GAS2: variants seen among roughly 807,000 people sequenced by gnomAD.
The protein encoded by GAS2 is growth arrest-specific protein 2.
Under a neutral mutation model 37.5 loss-of-function variants are expected in GAS2, and 20 were observed. The observed-to-expected ratio is 0.53, with a 90% CI of 0.37 to 0.77. The LOEUF (loss-of-function observed/expected upper bound fraction) is 0.77. GAS2 is among the 30% of genes least tolerant of loss of function. The probability of loss-of-function intolerance (pLI) is 0.00; values close to 1 mark genes in which losing one functional copy is unlikely to be tolerated. For synonymous variants in GAS2, 144 were observed against 132.2 expected (o/e 1.09, Z -0.61); for missense variants, 336 against 373.4 (o/e 0.90, Z 0.82).
chr11:22,653,072 TTC>T (rs745482440), intron 1 of GAS2, among the ~76,000 whole-genome samples: 6 of 119,510 alleles, frequency 5.0e-5, no homozygotes, highest in Non-Finnish European at 7.4e-5. Flanking sequence ...CTTTTTTGCT[TTC>T]TCTCTCTCTC....
At chr11:22,631,692 C>G (rs1483764644) in intron 1 of GAS2, among the ~76,000 whole-genome samples, 2 of 151,896 alleles carry the variant, frequency 1.3e-5, no homozygotes, top group East Asian at 1.9e-4. Flanking sequence ...GATGAATTAT[C>G]TTTTTGATGT....
At chr11:22,677,709 G>T (rs1317689115) in intron 2 of GAS2, among the ~76,000 whole-genome samples, 3 of 152,112 alleles carry the variant, frequency 2.0e-5, no homozygotes, top group African/African-American at 7.2e-5. Flanking sequence ...AGGAGACCTG[G>T]CTCCTAACTG....
chr11:22,708,864 T>C (rs185172835), intron 3 of GAS2, among the ~76,000 whole-genome samples: 10 of 152,156 alleles, frequency 6.6e-5, no homozygotes, highest in Admixed American at 1.3e-4. Flanking sequence ...AACTGAAGTG[T>C]AAGGGGTGGG....
intron 3 of GAS2, among the ~76,000 whole-genome samples, chr11:22,697,650 G>C (rs1323999329): frequency 6.6e-6 from 1 of 152,062 alleles, no homozygotes; most frequent in Non-Finnish European, 1.5e-5. Flanking sequence ...TCCTTGAAGA[G>C]GTCCTTCACG....
In GAS2 at chr11:22,794,711, T is replaced by C. The variant is rs564826459; in HGVS notation, c.724-17087T>C. 2.0e-4 allele frequency among the ~76,000 whole-genome samples: 31 copies of C among 152,348 alleles called. No individual in the cohort carries two copies. The East Asian group carries it at 5.6e-3, about 27-fold the overall frequency. On this transcript the variant is annotated intron_variant, in intron 7 of 7. Coordinates refer to ENST00000454584, the MANE Select transcript of GAS2 (RefSeq NM_001143830.3). ...TCTGGAAGTCAGTAATGCTTCATTG[T>C]GTTGTCCTAAGTATGATGAAAAGGC...
chr11:22,688,329 A>G (rs1323018520), intron 3 of GAS2: 8 of 152,166 alleles, frequency 5.3e-5, no homozygotes, highest in Non-Finnish European at 1.2e-4. Flanking sequence ...TCGATTAACT[A>G]TAAGAAAATA....
At chr11:22,789,303 T>TACAC (rs201918939) in intron 7 of GAS2, among the ~76,000 whole-genome samples, 15 of 111,118 alleles carry the variant, frequency 1.3e-4, no homozygotes, top group Admixed American at 6.9e-4. Flanking sequence ...TATATATATA[T>TACAC]ACACACACAC....
chr11:22,756,520 A>G (rs1208595518), intron 7 of GAS2, among the ~76,000 whole-genome samples: 1 of 152,120 alleles, frequency 6.6e-6, no homozygotes, highest in Admixed American at 6.6e-5. Flanking sequence ...TAGTACCAGC[A>G]ATGTGTAGTC....
At chr11:22,754,347 A>T (rs1853903681) in intron 6 of GAS2, among the ~76,000 whole-genome samples, 1 of 152,124 alleles carries the variant, frequency 6.6e-6, no homozygotes, top group African/African-American at 2.4e-5. Flanking sequence ...AAAGGAACTC[A>T]GTCTAGCAAG....
chr11:22,749,025 T>C (rs1853572041), intron 5 of GAS2, 95 bp from the exon 6 acceptor site: 2 of 1,188,212 alleles, frequency 1.7e-6, no homozygotes, highest in African/African-American at 3.1e-5. Context: ...TAAAAGTCAG[T>C]GATTTACTCC....
At chr11:22,658,725 G>A (rs1273941157) in intron 1 of GAS2, among the ~76,000 whole-genome samples, 4 of 151,990 alleles carry the variant, frequency 2.6e-5, no homozygotes, top group Admixed American at 6.6e-5. Flanking sequence ...TTAGAACATG[G>A]GCATACTGAG....
intron 1 of GAS2, among the ~76,000 whole-genome samples, chr11:22,639,350 A>G (rs796481912): frequency 1.4e-4 from 22 of 152,244 alleles, no homozygotes; most frequent in African/African-American, 5.3e-4. Flanking sequence ...GTCTTTCACC[A>G]TGTGTTGCCT....
At chr11:22,738,472 T>C (rs888255715) in intron 5 of GAS2, among the ~76,000 whole-genome samples, 7 of 152,160 alleles carry the variant, frequency 4.6e-5, no homozygotes, top group Non-Finnish European at 1.0e-4. Flanking sequence ...GGCCAGCCCA[T>C]GAAGCCCAAA....
At chr11:22,717,232 T>C (rs188621628) in intron 3 of GAS2, among the ~76,000 whole-genome samples, 1 of 152,248 alleles carries the variant, frequency 6.6e-6, no homozygotes, top group Admixed American at 6.5e-5. Flanking sequence ...GGCATCACAT[T>C]ACCCGATTTC....
At chr11:22,690,316 G>A (rs1850179498) in intron 3 of GAS2, among the ~76,000 whole-genome samples, 1 of 152,032 alleles carries the variant, frequency 6.6e-6, no homozygotes, top group Non-Finnish European at 1.5e-5. Context: ...ATCCAGCTTT[G>A]GTTTGATAAA....
chr11:22,768,806 T>C (rs1023584998), intron 7 of GAS2, among the ~76,000 whole-genome samples: 20 of 152,318 alleles, frequency 1.3e-4, no homozygotes, highest in African/African-American at 4.6e-4. Flanking sequence ...AAATGAATAG[T>C]CTTTCTAAGA....
chr11:22,750,966 C>G (rs535254925), intron 6 of GAS2, among the ~76,000 whole-genome samples: 1 of 151,706 alleles, frequency 6.6e-6, no homozygotes, highest in Non-Finnish European at 1.5e-5. Flanking sequence ...TTTTTTAGTC[C>G]GGAAATTATG....
intron 1 of GAS2, among the ~76,000 whole-genome samples, chr11:22,642,431 A>G (rs1033431563): frequency 6.6e-6 from 1 of 152,128 alleles, no homozygotes; most frequent in South Asian, 2.1e-4. Flanking sequence ...GACTGATGCC[A>G]GTAATTAGGA....
intron 3 of GAS2, among the ~76,000 whole-genome samples, chr11:22,717,274 A>T (rs974664414): frequency 3.3e-5 from 5 of 152,230 alleles, no homozygotes; most frequent in Admixed American, 2.0e-4. Context: ...TTACCAAAAC[A>T]GTATGGTATG....
Sources: gnomAD v4.1 joint callset for allele counts (sites outside exome capture counted in the v4.1 genomes callset) on GRCh38, gnomAD v4.1.1 for gene constraint, MANE v1.5 for transcripts, NCBI Gene and HGNC (gene_info 2026-07-23, HGNC 2026-07-21) for gene names.